The following MAP2 variants were observed in gnomAD, a reference collection of about 807,000 sequenced individuals.
MAP2 encodes the protein microtubule-associated protein 2.
MAP2 carries 14 observed loss-of-function variants against 137.6 expected under a neutral mutation model. The observed-to-expected ratio is 0.10, with a 90% CI of 0.07 to 0.16. The LOEUF is 0.16. Among genes scored for constraint, MAP2 ranks in the 10% least tolerant of loss-of-function variants. The pLI, the probability that MAP2 is intolerant of heterozygous loss-of-function variation, is 1.00. For missense variants in MAP2, 2,088 were observed against 2,191.5 expected, an observed-to-expected ratio of 0.95 and a Z score of 0.94; for synonymous variants, 786 against 782.3, an observed-to-expected ratio of 1.00 and a Z score of -0.08.
chr2:209,698,373 G>T (rs575082766), intron 10 of MAP2, among the ~76,000 whole-genome samples: 1 of 152,004 alleles, frequency 6.6e-6, no homozygotes. Flanking sequence ...TTATTAAGTG[G>T]CATGCTTGTA....
intron 2 of MAP2, among the ~76,000 whole-genome samples, chr2:209,569,775 T>C (rs971540056): frequency 2.0e-5 from 3 of 151,900 alleles, no homozygotes; most frequent in African/African-American, 7.2e-5. Flanking sequence ...TTCACCATGA[T>C]GTTTGATGAT....
intron 2 of MAP2, among the ~76,000 whole-genome samples, chr2:209,535,043 T>G (rs1178005291): frequency 8.5e-5 from 13 of 152,220 alleles, no homozygotes; most frequent in Admixed American, 7.2e-4. Context: ...AATCCCATAG[T>G]GTCCTCTGGC....
At chr2:209,690,629 G>A (rs774765164) in intron 7 of MAP2, 253 of 1,288,968 alleles carry the variant, frequency 2.0e-4, no homozygotes, top group Admixed American at 3.7e-4. Context: ...GAGTCGGATG[G>A]CTGAGGAAGA....
chr2:209,616,336 A>G (rs1416768956), intron 3 of MAP2, among the ~76,000 whole-genome samples: 2 of 152,234 alleles, frequency 1.3e-5, no homozygotes, highest in African/African-American at 4.8e-5. Flanking sequence ...GGCTTAACCA[A>G]TATTACACAG....
intron 1 of MAP2, among the ~76,000 whole-genome samples, chr2:209,446,907 G>A (rs1342535768): frequency 2.0e-5 from 3 of 151,850 alleles, no homozygotes; most frequent in Non-Finnish European, 4.4e-5. Flanking sequence ...AAACTTCAGA[G>A]GTTTGACAGT....
chr2:209,580,153 G>A (rs1483749456), intron 3 of MAP2, 53 bp downstream of exon 3: 1 of 151,828 alleles, frequency 6.6e-6, no homozygotes, highest in Non-Finnish European at 1.5e-5. Flanking sequence ...GGGGAGAATT[G>A]GAATGTTTTT....
intron 3 of MAP2, among the ~76,000 whole-genome samples, chr2:209,619,039 A>C (rs184196940): frequency 8.5e-5 from 13 of 152,332 alleles, no homozygotes; most frequent in African/African-American, 3.1e-4. Context: ...CATATTCCTC[A>C]TGGTCTTACT....
intron 3 of MAP2, among the ~76,000 whole-genome samples, chr2:209,605,955 AC>A (rs1012523573): frequency 6.6e-6 from 1 of 152,196 alleles, no homozygotes; most frequent in African/African-American, 2.4e-5. Context: ...AAGAGGAAAG[AC>A]CTTGACCTTT....
chr2:209,508,110 G>T (rs1016798429), intron 2 of MAP2, among the ~76,000 whole-genome samples: 1 of 152,028 alleles, frequency 6.6e-6, no homozygotes, highest in African/African-American at 2.4e-5. Context: ...TTAGCAGAGT[G>T]TTAAGATGTC....
intron 3 of MAP2, among the ~76,000 whole-genome samples, chr2:209,595,360 T>C (rs2080962743): frequency 6.6e-6 from 1 of 152,320 alleles, no homozygotes; most frequent in East Asian, 1.9e-4. Context: ...AATTGAAAGT[T>C]TCTGCTTTCT....
chr2:209,447,493 G>C (rs1699343385), intron 1 of MAP2, among the ~76,000 whole-genome samples: 1 of 151,900 alleles, frequency 6.6e-6, no homozygotes, highest in Admixed American at 6.6e-5. Flanking sequence ...CTAGCATCTT[G>C]GTAGCAACTC....
intron 3 of MAP2, among the ~76,000 whole-genome samples, chr2:209,604,960 T>G (rs1180962354): frequency 2.0e-5 from 3 of 152,180 alleles, no homozygotes; most frequent in African/African-American, 7.2e-5. Flanking sequence ...GGTTATGGTA[T>G]ATTATATGTA....
At chr2:209,474,228 C>G (rs1706575912) in intron 1 of MAP2, among the ~76,000 whole-genome samples, 1 of 152,170 alleles carries the variant, frequency 6.6e-6, no homozygotes, top group African/African-American at 2.4e-5. Context: ...TGTAAATGTA[C>G]TTAACTTTGG....
At chr2:209,459,848 T>G (rs1287669509) in intron 1 of MAP2, among the ~76,000 whole-genome samples, 1 of 152,190 alleles carries the variant, frequency 6.6e-6, no homozygotes, top group Non-Finnish European at 1.5e-5. Flanking sequence ...CCCATCATGT[T>G]TGACTATTCC....
At chr2:209,464,692 A>G (rs1377897064) in intron 1 of MAP2, among the ~76,000 whole-genome samples, 1 of 152,122 alleles carries the variant, frequency 6.6e-6, no homozygotes, top group Non-Finnish European at 1.5e-5. Flanking sequence ...AAAAAAATCA[A>G]CTTCTACTAA....
intron 1 of MAP2, among the ~76,000 whole-genome samples, chr2:209,470,225 T>A (rs1384010071): frequency 6.6e-6 from 1 of 152,202 alleles, no homozygotes; most frequent in Non-Finnish European, 1.5e-5. Flanking sequence ...AGGCAAATGC[T>A]ATGCGGGAGA....
At chr2:209,662,939 G>A (rs888540892) in intron 5 of MAP2, among the ~76,000 whole-genome samples, 3 of 149,176 alleles carry the variant, frequency 2.0e-5, no homozygotes, top group Non-Finnish European at 4.4e-5. Context: ...GCAATAATGT[G>A]TTTTTAAGTG....
At chr2:209,588,800 T>A (rs2078454793) in intron 3 of MAP2, among the ~76,000 whole-genome samples, 1 of 152,040 alleles carries the variant, frequency 6.6e-6, no homozygotes, top group South Asian at 2.1e-4. Flanking sequence ...AAAAAAAACC[T>A]AAGTAGACTG....
chr2:209,624,077 C>A (rs2091829573), intron 3 of MAP2, among the ~76,000 whole-genome samples: 2 of 152,114 alleles, frequency 1.3e-5, no homozygotes, highest in South Asian at 2.1e-4. Flanking sequence ...CACATTGGTC[C>A]TTAGAGGTTC....
Sources: gnomAD v4.1 joint callset for allele counts (sites outside exome capture counted in the v4.1 genomes callset) on GRCh38, gnomAD v4.1.1 for gene constraint, MANE v1.5 for transcripts, NCBI Gene and HGNC (gene_info 2026-07-23, HGNC 2026-07-21) for gene names.